Variants in CLPB observed in about 807,000 individuals in gnomAD.
CLPB encodes the protein mitochondrial disaggregase.
In CLPB, 40 loss-of-function variants were observed where a neutral mutation model predicts 78.4. That is an observed-to-expected ratio of 0.51 (90% CI 0.40 to 0.66). The LOEUF is 0.66. CLPB is among the 30% of genes least tolerant of loss of function. CLPB has a pLI of 0.00. For synonymous variants in CLPB, 333 were observed against 348.0 expected, an observed-to-expected ratio of 0.96 and a Z score of 0.48; for missense variants, 780 against 886.9, an observed-to-expected ratio of 0.88 and a Z score of 1.53.
At chr11:72,350,912 A>G (rs1950602809) in intron 5 of CLPB, among the ~76,000 whole-genome samples, 1 of 152,254 alleles carries the variant, frequency 6.6e-6, no homozygotes, top group South Asian at 2.1e-4. Context: ...GTATACTTAG[A>G]GAGTTGTGCA....
At chr11:72,425,911 C>A (rs1284576161) in intron 2 of CLPB, among the ~76,000 whole-genome samples, 1 of 152,148 alleles carries the variant, frequency 6.6e-6, no homozygotes, top group Non-Finnish European at 1.5e-5. Flanking sequence ...GTCCTCTGGT[C>A]TCCTGCAGCC....
At chr11:72,346,301 AAGT>A (rs1356228845) in intron 5 of CLPB, among the ~76,000 whole-genome samples, 2 of 152,220 alleles carry the variant, frequency 1.3e-5, no homozygotes, top group African/African-American at 4.8e-5. Context: ...ATAAACAAAA[AAGT>A]AAACAATATA....
chr11:72,389,186 C>T (rs1310568989), intron 3 of CLPB, among the ~76,000 whole-genome samples: 10 of 152,186 alleles, frequency 6.6e-5, no homozygotes, highest in African/African-American at 2.4e-4. Flanking sequence ...TTATTTTCTG[C>T]TGAAGCAGAA....
chr11:72,348,961 C>G (rs1950563800), intron 5 of CLPB, among the ~76,000 whole-genome samples: 1 of 152,180 alleles, frequency 6.6e-6, no homozygotes, highest in Non-Finnish European at 1.5e-5. Context: ...AACTATAGAA[C>G]TACATGTTAT....
At chr11:72,378,839 A>G (rs1854805827) in intron 4 of CLPB, among the ~76,000 whole-genome samples, 3 of 152,238 alleles carry the variant, frequency 2.0e-5, no homozygotes, top group Non-Finnish European at 4.4e-5. Flanking sequence ...GAGGAGAGAA[A>G]GGACATATGG....
chr11:72,403,174 A>C, intron 2 of CLPB, 122 bp from the exon 3 acceptor site: 1 of 929,692 alleles, frequency 1.1e-6, no homozygotes, highest in Non-Finnish European at 1.7e-6. Flanking sequence ...TAAAAGTAGA[A>C]ACAACCATAG....
chr11:72,430,581 A>G (rs1288093287), intron 1 of CLPB: 5 of 550,540 alleles, frequency 9.1e-6, no homozygotes, highest in Non-Finnish European at 1.6e-5. Flanking sequence ...CAGAGCCCAA[A>G]CTCTTCACTC....
intron 2 of CLPB, among the ~76,000 whole-genome samples, chr11:72,416,737 A>G (rs1446797627): frequency 8.0e-6 from 1 of 124,526 alleles, no homozygotes; most frequent in African/African-American, 4.1e-5. Context: ...CTCCGTCTCA[A>G]AAAAAAAAAA....
At chr11:72,396,311 G>A (rs1052372764) in intron 3 of CLPB, among the ~76,000 whole-genome samples, 2 of 152,134 alleles carry the variant, frequency 1.3e-5, no homozygotes, top group African/African-American at 4.8e-5. Flanking sequence ...AGACTCTTGT[G>A]GGGAATTTCA....
Position 72,294,447 on chromosome 11 carries a change from G to A in CLPB, c.1561-3C>T, listed in dbSNP as rs757088240. ...AACTCATCCCTCCGGAAGTGAGCCT[G>A]AAGGGCCAGGTTAGGGGTGGGATGA... On this transcript the variant is annotated splice_region_variant and splice_polypyrimidine_tract_variant and intron_variant, in intron 13 of 15. Transcript: ENST00000538039. The A allele has an allele frequency of 1.9e-6, 3 of 1,614,138 alleles. No individual in the cohort carries two copies. The highest frequency in any genetic ancestry group is 1.1e-5 in the South Asian group (1 of 91,078).
intron 6 of CLPB, among the ~76,000 whole-genome samples, chr11:72,325,577 G>A (rs981652459): frequency 1.1e-4 from 17 of 151,850 alleles, no homozygotes; most frequent in African/African-American, 4.1e-4. Context: ...GAGATTCTAG[G>A]GTAAATGATG....
chr11:72,302,755 C>A (rs1035578656), intron 9 of CLPB: 6 of 252,786 alleles, frequency 2.4e-5, no homozygotes, highest in Admixed American at 2.3e-4. Flanking sequence ...AGCACCCCAT[C>A]GAATGGTGCA....
chr11:72,342,215 A>G (rs1447808350), intron 5 of CLPB, among the ~76,000 whole-genome samples: 1 of 152,238 alleles, frequency 6.6e-6, no homozygotes, highest in Non-Finnish European at 1.5e-5. Context: ...TATGGAAGAC[A>G]TGAAAATGCC....
At chr11:72,317,592 T>C (rs112056888) in intron 6 of CLPB, among the ~76,000 whole-genome samples, 85 of 152,362 alleles carry the variant, frequency 5.6e-4, no homozygotes, top group African/African-American at 2.0e-3. Flanking sequence ...AATATGATGA[T>C]GTATGTAACA....
intron 2 of CLPB, among the ~76,000 whole-genome samples, chr11:72,404,329 A>T (rs2135087523): frequency 6.6e-6 from 1 of 152,358 alleles, no homozygotes. Context: ...GGTTCTAGCC[A>T]AAGGGCAGAG....
rs114004078 is a variant in CLPB at position 72,313,568 on chromosome 11, A to G, written c.988+3538T>C. ...TCTGGACTTTTGGAGGGAGAAAGAC[A>G]TACAAACATAGTAGATAACATGTGA... On this transcript the variant is annotated intron_variant, in intron 7 of 15. Coordinates refer to ENST00000538039, the MANE Select transcript of CLPB (RefSeq NM_001258392.3). Among the ~76,000 whole-genome samples, 507 of 152,368 alleles carry G rather than the reference A, an allele frequency of 3.3e-3. 4 individuals carry two copies. The highest frequency in any genetic ancestry group is 0.012 in the African/African-American group (484 of 41,582).
intron 2 of CLPB, among the ~76,000 whole-genome samples, chr11:72,404,754 AC>A (rs1855656430): frequency 6.6e-6 from 1 of 151,954 alleles, no homozygotes; most frequent in Non-Finnish European, 1.5e-5. Flanking sequence ...GGTATATGAG[AC>A]CCCCTAAGAT....
intron 9 of CLPB, 57 bp from the exon 10 acceptor site, chr11:72,302,405 G>A: frequency 6.7e-7 from 1 of 1,501,208 alleles, no homozygotes; most frequent in East Asian, 2.3e-5. Context: ...TGAAGAGAAG[G>A]GTTAGGGAGG....
At chr11:72,364,195 A>T (rs1250779079) in intron 4 of CLPB, among the ~76,000 whole-genome samples, 2 of 152,160 alleles carry the variant, frequency 1.3e-5, no homozygotes, top group African/African-American at 4.8e-5. Context: ...ATTACTTTTT[A>T]TTTATTTATT....
Sources: gnomAD v4.1 joint callset for allele counts (sites outside exome capture counted in the v4.1 genomes callset) on GRCh38, gnomAD v4.1.1 for gene constraint, MANE v1.5 for transcripts, NCBI Gene and HGNC (gene_info 2026-07-23, HGNC 2026-07-21) for gene names.